COL5A2: variants seen among roughly 807,000 people sequenced by gnomAD.
COL5A2 encodes collagen type V alpha 2 chain.
Under a neutral mutation model 208.2 loss-of-function variants are expected in COL5A2, and 23 were observed. The observed-to-expected ratio is 0.11, with a 90% CI of 0.08 to 0.16. The LOEUF is 0.16. Ranked by LOEUF, COL5A2 falls within the 10% of genes least tolerant of loss-of-function variation. COL5A2 has a pLI of 1.00. For synonymous variants in COL5A2, 625 were observed against 628.5 expected (o/e 0.99, Z 0.08); for missense variants, 1,590 against 1,956.4 (o/e 0.81, Z 3.53).
At chr2:189,156,570 T>C (rs1363592121) in intron 1 of COL5A2, among the ~76,000 whole-genome samples, 1 of 152,184 alleles carries the variant, frequency 6.6e-6, no homozygotes, top group Non-Finnish European at 1.5e-5. Context: ...AGTCTGGCTA[T>C]CCAGCTTTGT....
chr2:189,350,440 C>T, the COL5A2 span, among the ~76,000 whole-genome samples: 1 of 152,100 alleles, frequency 6.6e-6, no homozygotes, highest in African/African-American at 2.4e-5. Context: ...AGAATACAGT[C>T]AATAACCACA....
the COL5A2 span, among the ~76,000 whole-genome samples, chr2:189,243,518 A>G: frequency 6.6e-6 from 1 of 152,098 alleles, no homozygotes; most frequent in Non-Finnish European, 1.5e-5. Flanking sequence ...CTATTATGAG[A>G]ACAACATGGG....
chr2:189,042,664 A>G, intron 49 of COL5A2, 56 bp downstream of exon 49: 1 of 1,497,624 alleles, frequency 6.7e-7, no homozygotes, highest in Non-Finnish European at 9.3e-7. Context: ...CATTAGCAGT[A>G]CATCAACAAA....
At chr2:189,319,299 G>A in the COL5A2 span, among the ~76,000 whole-genome samples, 6 of 152,332 alleles carry the variant, frequency 3.9e-5, no homozygotes, top group Non-Finnish European at 7.4e-5. Context: ...ATCTCACTGG[G>A]GCTTGTCAGA....
At chr2:189,358,133 T>C in the COL5A2 span, among the ~76,000 whole-genome samples, 7 of 152,060 alleles carry the variant, frequency 4.6e-5, no homozygotes, top group Non-Finnish European at 8.8e-5. Flanking sequence ...TCTATGTCGA[T>C]CTCGCTGGGA....
chr2:189,220,999 C>T (rs1243860157), intron 1 of COL5A2, among the ~76,000 whole-genome samples: 1 of 152,132 alleles, frequency 6.6e-6, no homozygotes, highest in East Asian at 1.9e-4. Context: ...AAAGGAGTGG[C>T]TGGCCCATAA....
the COL5A2 span, among the ~76,000 whole-genome samples, chr2:189,435,012 A>T: frequency 6.6e-6 from 1 of 152,190 alleles, no homozygotes; most frequent in African/African-American, 2.4e-5. Context: ...GAGGCTCAGA[A>T]ATAACACCAC....
At chr2:189,042,003 T>C (rs1352326911) in intron 49 of COL5A2, among the ~76,000 whole-genome samples, 4 of 152,176 alleles carry the variant, frequency 2.6e-5, no homozygotes, top group Non-Finnish European at 5.9e-5. Flanking sequence ...TCAATTAACT[T>C]GAAATAAGAA....
At chr2:189,246,289 G>GA in the COL5A2 span, among the ~76,000 whole-genome samples, 5,048 of 144,048 alleles carry the variant, frequency 0.035, 89 homozygotes, top group Admixed American at 0.049. Context: ...AATTTATTAG[G>GA]AAAAAAAAAA....
At chr2:189,350,968 ACTC>A in the COL5A2 span, among the ~76,000 whole-genome samples, 1 of 152,026 alleles carries the variant, frequency 6.6e-6, no homozygotes, top group Non-Finnish European at 1.5e-5. Flanking sequence ...TCTCAGAAAA[ACTC>A]ACAAAATTAA....
At chr2:189,423,902 A>T in the COL5A2 span, among the ~76,000 whole-genome samples, 1 of 152,066 alleles carries the variant, frequency 6.6e-6, no homozygotes, top group Non-Finnish European at 1.5e-5. Flanking sequence ...GGGGAAAAAA[A>T]AAAGCTACAG....
At chr2:189,403,542 T>C in the COL5A2 span, among the ~76,000 whole-genome samples, 1 of 152,198 alleles carries the variant, frequency 6.6e-6, no homozygotes, top group Non-Finnish European at 1.5e-5. Flanking sequence ...CAGTATGATA[T>C]TGATTGTGGG....
chr2:189,417,432 T>C, the COL5A2 span, among the ~76,000 whole-genome samples: 5 of 69,930 alleles, frequency 7.2e-5, no homozygotes, highest in East Asian at 1.7e-3. Context: ...AAGTCTTCCT[T>C]ACTATTCTTT....
At chr2:189,076,552 G>A (rs1686409265) in intron 16 of COL5A2, among the ~76,000 whole-genome samples, 1 of 152,160 alleles carries the variant, frequency 6.6e-6, no homozygotes, top group Non-Finnish European at 1.5e-5. Context: ...AAGGCTGATG[G>A]TGATAAATCA....
rs150092345 is a variant in COL5A2 at position 189,083,984 on chromosome 2, C to T, written c.852G>A (p.Pro284=). 7.4e-5 allele frequency: 119 copies of T among 1,610,306 alleles called. 1 individual carries two copies. The African/African-American group carries it at 7.7e-4, about 10-fold the overall frequency. ...GCCTTTATGTTGAGTATAAACTTACCGGAGATCCTGCAAATCCCACTTCAC... is the reference window on the plus strand; with the variant it reads ...GCCTTTATGTTGAGTATAAACTTACTGGAGATCCTGCAAATCCCACTTCAC... ...NPGEVGFAGS[P]GARGFPGAPG... Residue 284 remains proline, a splice_region_variant and synonymous_variant, in exon 12 of 54, where the codon CCG becomes CCA. Transcript: ENST00000374866.
rs748516706 is a variant in COL5A2, at chr2:189,034,058, T to A, written c.*12A>T. The stretch of plus-strand genomic sequence containing the variant: ...GATGGTGGTGCTCATTGTCGATGTG[T>A]CTTGGCTTACTTTACACAAAACAAA... On this transcript the variant is annotated 3_prime_UTR_variant, in exon 54 of 54. Transcript: ENST00000374866. 3.1e-6 allele frequency: 5 copies of A among 1,613,832 alleles called. No homozygotes were observed. In the East Asian group the frequency reaches 1.1e-4, roughly 36 times the overall value.
At chr2:189,045,719 A>G in intron 46 of COL5A2, 81 bp downstream of exon 46, 1 of 1,029,588 alleles carries the variant, frequency 9.7e-7, no homozygotes, top group Non-Finnish European at 1.5e-6. Context: ...ATGTATGACT[A>G]TGTGTGTGTG....
intron 1 of COL5A2, among the ~76,000 whole-genome samples, chr2:189,216,230 C>A (rs1689276463): frequency 6.6e-6 from 1 of 152,086 alleles, no homozygotes; most frequent in Non-Finnish European, 1.5e-5. Flanking sequence ...TGGTACTATG[C>A]AATGACAGCT....
chr2:189,198,915 C>T (rs1463741469), intron 1 of COL5A2, among the ~76,000 whole-genome samples: 3 of 152,138 alleles, frequency 2.0e-5, no homozygotes, highest in African/African-American at 7.2e-5. Flanking sequence ...TATTTTCAGA[C>T]TAATTCTACT....
Sources: gnomAD v4.1 joint callset for allele counts (sites outside exome capture counted in the v4.1 genomes callset) on GRCh38, gnomAD v4.1.1 for gene constraint, MANE v1.5 for transcripts, NCBI Gene and HGNC (gene_info 2026-07-23, HGNC 2026-07-21) for gene names.